MRTFA: variants seen among roughly 807,000 people sequenced by gnomAD.
MRTFA encodes the protein myocardin-related transcription factor A.
MRTFA carries 20 observed loss-of-function variants against 83.5 expected under a neutral mutation model. The observed-to-expected ratio is 0.24, with a 90% CI of 0.17 to 0.35. The LOEUF is 0.35. Ranked by LOEUF, MRTFA falls within the 10% of genes least tolerant of loss-of-function variation. MRTFA has a pLI of 1.00. For synonymous variants in MRTFA, 659 were observed against 541.2 expected, an observed-to-expected ratio of 1.22 and a Z score of -3.02; for missense variants, 1,200 against 1,224.7, an observed-to-expected ratio of 0.98 and a Z score of 0.30.
intron 2 of MRTFA, among the ~76,000 whole-genome samples, chr22:40,560,165 G>A (rs1390688810): frequency 1.3e-5 from 2 of 152,092 alleles, no homozygotes; most frequent in African/African-American, 2.4e-5. Flanking sequence ...AAAACAAGAG[G>A]GGCAGAATGT....
chr22:40,563,791 T>C (rs1569330479), intron 2 of MRTFA, among the ~76,000 whole-genome samples: 2 of 152,122 alleles, frequency 1.3e-5, no homozygotes, highest in Non-Finnish European at 2.9e-5. Flanking sequence ...ATGAACAAAG[T>C]CATAGATGTG....
At chr22:40,545,729 G>A (rs982200697) in intron 3 of MRTFA, among the ~76,000 whole-genome samples, 8 of 147,640 alleles carry the variant, frequency 5.4e-5, no homozygotes, top group South Asian at 2.2e-4. Context: ...CACCACGCCC[G>A]GCCATTTTTT....
At chr22:40,449,570 C>A (rs752625440) in intron 4 of MRTFA, among the ~76,000 whole-genome samples, 60 of 152,238 alleles carry the variant, frequency 3.9e-4, no homozygotes, top group Middle Eastern at 3.4e-3. Context: ...ATGCTAAAGC[C>A]ACTAAATTCG....
intron 7 of MRTFA, among the ~76,000 whole-genome samples, chr22:40,424,742 T>A (rs1185498813): frequency 2.0e-5 from 3 of 152,192 alleles, no homozygotes; most frequent in Non-Finnish European, 4.4e-5. Context: ...CCTTTCTACC[T>A]CAACCGTCTC....
chr22:40,607,421 G>A (rs374719982), intron 1 of MRTFA, among the ~76,000 whole-genome samples: 3 of 151,562 alleles, frequency 2.0e-5, no homozygotes, highest in Non-Finnish European at 2.9e-5. Flanking sequence ...GGAGAATGGC[G>A]TGAGCCTGAG....
rs2052504626 is a variant in MRTFA at position 40,410,893 on chromosome 22, G to A, written c.*497C>T. 1 of 234,204 alleles carries A rather than the reference G, an allele frequency of 4.3e-6. No homozygotes were observed. Among genetic ancestry groups the A allele is most frequent in the South Asian group, 1.8e-4 (1 of 5,548 alleles). The allele number at this position is 234,204 out of a possible 1,614,324, so 14.5% of individuals were successfully genotyped here. A position where few individuals can be genotyped will look rare whatever the true frequency, so the allele number is the denominator to read the frequency against. ...TTACACTACACCAAGACACTAAAATGGCAGGGAGCCCTGGGATCCTGGGGT... is the reference window on the plus strand; with the variant it reads ...TTACACTACACCAAGACACTAAAATAGCAGGGAGCCCTGGGATCCTGGGGT... On this transcript the variant is annotated 3_prime_UTR_variant, in exon 15 of 15. Transcript: ENST00000355630.
intron 12 of MRTFA, chr22:40,417,782 GCTGCTCAGGGAC>G: frequency 2.4e-6 from 1 of 414,772 alleles, no homozygotes. Flanking sequence ...TCTGCTTGGG[GCTGCTCAGGGAC>G]CCCTGTCTCC....
rs776543354 is a variant in MRTFA, at chr22:40,411,843, T to G, written c.2643A>C (p.Thr881=). Residue 881 remains threonine, a synonymous_variant, in exon 15 of 15, where the codon ACA becomes ACC. Coordinates refer to ENST00000355630, the MANE Select transcript of MRTFA (RefSeq NM_020831.6). ...GTGCTGCCAGGGGGGACCCACAGAC[T>G]GTCTTCGGGGATGGCTTCTCCTTCC... 2.7e-6 allele frequency: 4 copies of G among 1,499,496 alleles called. No individual in the cohort carries two copies. Among genetic ancestry groups the G allele is most frequent in the Admixed American group, 2.3e-5 (1 of 42,986 alleles). 92.9% of individuals were successfully genotyped at this position (1,499,496 alleles called of 1,614,324 possible). A position where few individuals can be genotyped will look rare whatever the true frequency, so the allele number is the denominator to read the frequency against.
chr22:40,526,907 T>C (rs2054984635), intron 3 of MRTFA, among the ~76,000 whole-genome samples: 1 of 151,748 alleles, frequency 6.6e-6, no homozygotes, highest in Non-Finnish European at 1.5e-5. Context: ...TGAGACCAGC[T>C]TGGGCAACAC....
chr22:40,601,510 C>T (rs560635198), intron 1 of MRTFA, among the ~76,000 whole-genome samples: 1 of 152,220 alleles, frequency 6.6e-6, no homozygotes, highest in East Asian at 1.9e-4. Flanking sequence ...TGCCCAACTT[C>T]GAAATAATGT....
chr22:40,522,426 T>A (rs1342853112), intron 3 of MRTFA: 1 of 152,228 alleles, frequency 6.6e-6, no homozygotes, highest in Non-Finnish European at 1.5e-5. Flanking sequence ...AGTTATTACA[T>A]GAGTTCACAC....
At position 40,578,463 on chromosome 22, in the gene MRTFA, T is replaced by C. The variant is rs78080629; in HGVS notation, c.-22+16211A>G. Among the ~76,000 whole-genome samples, 540 of 152,300 alleles carry C rather than the reference T, an allele frequency of 3.5e-3. 5 individuals carry two copies. Among genetic ancestry groups the C allele is most frequent in the African/African-American group, 0.012 (518 of 41,554 alleles). Reference sequence around the variant, plus strand: ...ACAGAAGAGATGGTATGTAACATCCTTTCCTCTAAGAATGACAGAAGGGCC... The same window carrying C: ...ACAGAAGAGATGGTATGTAACATCCCTTCCTCTAAGAATGACAGAAGGGCC... On this transcript the variant is annotated intron_variant, in intron 2 of 14. Coordinates refer to ENST00000355630, the MANE Select transcript of MRTFA (RefSeq NM_020831.6).
intron 4 of MRTFA, among the ~76,000 whole-genome samples, chr22:40,440,617 G>C (rs1429011169): frequency 6.6e-6 from 1 of 152,208 alleles, no homozygotes; most frequent in African/African-American, 2.4e-5. Flanking sequence ...CTGGGGAGAG[G>C]CTGGAGTAGC....
chr22:40,441,986 G>A (rs1195625598), intron 4 of MRTFA, among the ~76,000 whole-genome samples: 3 of 152,104 alleles, frequency 2.0e-5, no homozygotes, highest in African/African-American at 7.2e-5. Flanking sequence ...GCACTGAAGA[G>A]TAAGTATGAA....
At chr22:40,582,102 C>T (rs1045735724) in intron 2 of MRTFA, among the ~76,000 whole-genome samples, 5 of 152,222 alleles carry the variant, frequency 3.3e-5, no homozygotes, top group Admixed American at 2.6e-4. Context: ...CCAGCAACTA[C>T]TAATCTACTT....
In MRTFA at chr22:40,419,252, C is replaced by T. The variant is rs34736200; in HGVS notation, c.1486G>A (p.Ala496Thr). 8,658 of 1,611,660 alleles carry T rather than the reference C, an allele frequency of 5.4e-3. 355 individuals are homozygous for T. The African/African-American group carries it at 0.091, about 17-fold the overall frequency. ...CCAGCCTTGTGCAGGATAGAGGTGG[C>T]GGCAGGGGCCTTGGGGGCTCCTGGC... The change falls in exon 12 of 15, where the codon GCC becomes ACC. Residue 496 changes from alanine (A) to threonine (T), a missense_variant. Around this residue, in one of 2 missense-constraint regions of MRTFA, gnomAD observed 1,107 missense variants for 1,041.8 expected, o/e 1.06. Coordinates refer to ENST00000355630, the MANE Select transcript of MRTFA (RefSeq NM_020831.6).
chr22:40,417,363 A>G lies in MRTFA; in HGVS notation c.2495T>C (p.Met832Thr). The stretch of plus-strand genomic sequence containing the variant: ...CACCTGCTGTTTGGGCTGCTGGCTC[A>G]TGGCTTCCTCATAGCCAGGTGGTTC... Residue 832 changes from methionine (M) to threonine (T), a missense_variant, in exon 13 of 15, where the codon ATG becomes ACG. Physicochemically the swap from Met to Thr is moderately conservative, Grantham distance 81. Coordinates refer to ENST00000355630, the MANE Select transcript of MRTFA (RefSeq NM_020831.6). 1 of 1,611,456 alleles carries G rather than the reference A, an allele frequency of 6.2e-7. No homozygotes were observed. Among genetic ancestry groups the G allele is most frequent in the Non-Finnish European group, 8.5e-7 (1 of 1,179,732 alleles).
At chr22:40,586,918 G>GTGCTGGTGC in intron 2 of MRTFA, 1 of 434,808 alleles carries the variant, frequency 2.3e-6, no homozygotes, top group Non-Finnish European at 4.7e-6. Context: ...GCTGGTGCTG[G>GTGCTGGTGC]TGCTGGTGCT....
At chr22:40,447,054 T>TTTC (rs749621610) in intron 4 of MRTFA, among the ~76,000 whole-genome samples, 11 of 152,064 alleles carry the variant, frequency 7.2e-5, no homozygotes, top group Non-Finnish European at 1.3e-4. Context: ...AGGGAAAGAC[T>TTTC]TTCTGATAAG....
Sources: allele counts gnomAD v4.1 joint callset (sites outside exome capture counted in the v4.1 genomes callset), GRCh38; gene constraint gnomAD v4.1.1; regional missense constraint gnomAD v4.1.1; transcripts MANE v1.5; gene names NCBI Gene and HGNC (gene_info 2026-07-23, HGNC 2026-07-21).